PAX8: variants seen among roughly 807,000 people sequenced by gnomAD.
PAX8 encodes paired box protein Pax-8.
In PAX8, 15 loss-of-function variants were observed where a neutral mutation model predicts 52.4. The observed-to-expected ratio is 0.29, with a 90% CI of 0.19 to 0.44. The LOEUF (loss-of-function observed/expected upper bound fraction) is 0.44. Ranked by LOEUF, PAX8 falls within the 20% of genes least tolerant of loss-of-function variation. The probability of loss-of-function intolerance (pLI) is 1.00; values close to 1 mark genes in which losing one functional copy is unlikely to be tolerated. For missense variants in PAX8, 554 were observed against 602.5 expected, an observed-to-expected ratio of 0.92 and a Z score of 0.84; for synonymous variants, 284 against 249.7, an observed-to-expected ratio of 1.14 and a Z score of -1.29.
intron 3 of PAX8, 25 bp from the exon 4 acceptor site, chr2:113,244,649 A>G: frequency 1.2e-6 from 2 of 1,607,528 alleles, no homozygotes; most frequent in Non-Finnish European, 1.7e-6. Context: ...AATCCCAAAG[A>G]ATTACCCAAT....
Position 113,278,857 on chromosome 2 carries a change from T to G in PAX8, c.-102A>C, listed in dbSNP as rs192044747. Reference sequence around the variant, plus strand: ...TGGCCGGCCGGCTGCAGGCCCTCACTGCTTGGGTCCGCCCGCGAGGGTGCC... The same window carrying G: ...TGGCCGGCCGGCTGCAGGCCCTCACGGCTTGGGTCCGCCCGCGAGGGTGCC... On this transcript the variant is annotated 5_prime_UTR_variant, in exon 1 of 12. Transcript: ENST00000429538. 9.4e-7 allele frequency: 1 copy of G among 1,063,396 alleles called. No individual in the cohort carries two copies. The highest frequency in any genetic ancestry group is 1.1e-6 in the Non-Finnish European group (1 of 877,308). The allele number at this position is 1,063,396 out of a possible 1,614,324, so 65.9% of individuals were successfully genotyped here.
chr2:113,273,834 C>T (rs945435888), intron 2 of PAX8: 1 of 151,984 alleles, frequency 6.6e-6, no homozygotes, highest in Non-Finnish European at 1.5e-5. Flanking sequence ...GTGATATTAT[C>T]TGATGTTTGT....
chr2:113,224,324 A>G (rs936519357), intron 10 of PAX8, among the ~76,000 whole-genome samples: 1 of 152,128 alleles, frequency 6.6e-6, no homozygotes, highest in African/African-American at 2.4e-5. Context: ...AGGCGGGCAG[A>G]TTGCCTGAGG....
At chr2:113,270,070 C>T (rs1693360072) in intron 2 of PAX8, 1 of 152,206 alleles carries the variant, frequency 6.6e-6, no homozygotes, top group Non-Finnish European at 1.5e-5. Context: ...TTCTATGCGT[C>T]CCTTCATTTA....
intron 9 of PAX8, among the ~76,000 whole-genome samples, chr2:113,227,893 C>A (rs2104434338): frequency 6.6e-6 from 1 of 152,324 alleles, no homozygotes; most frequent in East Asian, 1.9e-4. Flanking sequence ...CTAACCCCAA[C>A]CTAGAAGGAG....
Position 113,250,266 on chromosome 2 carries a change from CAAAAAAAA to C in PAX8, c.26-3355_26-3348del, listed in dbSNP as rs35799959. ...TGGGTGACAGAGCAAGACTCCATCT[CAAAAAAAA>C]AAAAAAAAAAGAAGATAGGGGGACC... On this transcript the variant is annotated intron_variant, in intron 2 of 11. Transcript: ENST00000429538. Among the ~76,000 whole-genome samples, 1,005 of 103,000 alleles carry C rather than the reference CAAAAAAAA, an allele frequency of 9.8e-3. 16 individuals carry two copies. Among genetic ancestry groups the C allele is most frequent in the African/African-American group, 0.032 (952 of 29,358 alleles). 67.6% of individuals were successfully genotyped at this position (103,000 alleles called of 152,430 possible).
intron 8 of PAX8, 122 bp downstream of exon 8, chr2:113,236,479 G>C: frequency 8.3e-7 from 1 of 1,199,562 alleles, no homozygotes; most frequent in Non-Finnish European, 1.1e-6. Flanking sequence ...CCCACCTGGC[G>C]GCCCGGCCGG....
chr2:113,250,336 G>T (rs991535900), intron 2 of PAX8, among the ~76,000 whole-genome samples: 1 of 151,688 alleles, frequency 6.6e-6, no homozygotes, highest in East Asian at 1.9e-4. Flanking sequence ...AACAAATCTT[G>T]CTATAAATGT....
At chr2:113,242,984 C>T (rs989914766) in intron 4 of PAX8, among the ~76,000 whole-genome samples, 30 of 152,224 alleles carry the variant, frequency 2.0e-4, no homozygotes, top group African/African-American at 7.0e-4. Flanking sequence ...CCATCAGTCA[C>T]TCAAGGCCAA....
chr2:113,249,475 T>C (rs1321640990), intron 2 of PAX8, among the ~76,000 whole-genome samples: 1 of 152,152 alleles, frequency 6.6e-6, no homozygotes, highest in Non-Finnish European at 1.5e-5. Flanking sequence ...GGGACCTCTA[T>C]ATCTGAAAGC....
At chr2:113,218,766 T>C (rs981351854) in intron 11 of PAX8, among the ~76,000 whole-genome samples, 157 bp from the exon 12 acceptor site, 1 of 152,242 alleles carries the variant, frequency 6.6e-6, no homozygotes, top group East Asian at 1.9e-4. Flanking sequence ...TCTCCAGCCC[T>C]ATTTCCTCCT....
chr2:113,274,081 A>C (rs551789076), intron 2 of PAX8: 4 of 152,312 alleles, frequency 2.6e-5, no homozygotes, highest in African/African-American at 9.6e-5. Flanking sequence ...ATGCTTTCCT[A>C]TATCAATAAG....
At chr2:113,277,474 C>T (rs1317427275) in intron 2 of PAX8, among the ~76,000 whole-genome samples, 12 of 152,242 alleles carry the variant, frequency 7.9e-5, no homozygotes. Flanking sequence ...TTGATTTCCT[C>T]TCACTTCGCC....
chr2:113,229,938 C>T (rs1689790936), intron 9 of PAX8, among the ~76,000 whole-genome samples: 3 of 152,150 alleles, frequency 2.0e-5, no homozygotes, highest in African/African-American at 4.8e-5. Flanking sequence ...CCTCTTCCTC[C>T]ATGAGAGAGA....
intron 2 of PAX8, chr2:113,272,987 C>T (rs1368432629): frequency 6.6e-6 from 1 of 152,188 alleles, no homozygotes; most frequent in South Asian, 2.1e-4. Flanking sequence ...TCCCCTGCCC[C>T]CACTTTTTAA....
At chr2:113,220,464 C>A in intron 10 of PAX8, 1 of 317,260 alleles carries the variant, frequency 3.2e-6, no homozygotes, top group Non-Finnish European at 5.9e-6. Flanking sequence ...GTTATAACTA[C>A]CCCCATTTTC....
intron 2 of PAX8, among the ~76,000 whole-genome samples, chr2:113,261,363 C>T (rs1457251172): frequency 6.6e-6 from 1 of 152,128 alleles, no homozygotes; most frequent in Non-Finnish European, 1.5e-5. Context: ...AGGCCAGAAA[C>T]CCCCAGAAGC....
intron 2 of PAX8, among the ~76,000 whole-genome samples, chr2:113,251,475 A>G (rs1691758403): frequency 1.3e-5 from 2 of 150,584 alleles, no homozygotes; most frequent in Non-Finnish European, 3.0e-5. Context: ...TGGGGTGGGT[A>G]TGGGGGAGGA....
intron 7 of PAX8, chr2:113,241,177 T>G: frequency 2.6e-6 from 1 of 377,870 alleles, no homozygotes; most frequent in Admixed American, 3.8e-5. Context: ...TGGCCAAAGG[T>G]GGGGCTAGGA....
Sources: allele counts gnomAD v4.1 joint callset (sites outside exome capture counted in the v4.1 genomes callset), GRCh38; gene constraint gnomAD v4.1.1; transcripts MANE v1.5; gene names NCBI Gene and HGNC (gene_info 2026-07-23, HGNC 2026-07-21).